NFATC2: variants seen among roughly 807,000 people sequenced by gnomAD.
NFATC2 encodes the protein nuclear factor of activated T cells 2, also known as nuclear factor of activated T-cells, cytoplasmic 2.
A neutral mutation model predicts 87.3 loss-of-function variants in NFATC2; 22 were observed. The observed-to-expected ratio is 0.25, with a 90% confidence interval of 0.18 to 0.36. NFATC2 has a LOEUF of 0.36. NFATC2 is among the 10% of genes least tolerant of loss of function. The probability of loss-of-function intolerance (pLI) is 1.00; values close to 1 mark genes in which losing one functional copy is unlikely to be tolerated. For missense variants in NFATC2, 1,149 were observed against 1,259.1 expected (o/e 0.91, Z 1.32); for synonymous variants, 565 against 542.2 (o/e 1.04, Z -0.58).
intron 3 of NFATC2, among the ~76,000 whole-genome samples, chr20:51,503,432 G>A (rs1485522016): frequency 1.3e-5 from 2 of 152,222 alleles, no homozygotes; most frequent in African/African-American, 2.4e-5. Context: ...CATGCCACTA[G>A]TATGGTGAGA....
chr20:51,511,577 T>G (rs1290692979), intron 3 of NFATC2, among the ~76,000 whole-genome samples: 1 of 152,234 alleles, frequency 6.6e-6, no homozygotes, highest in Admixed American at 6.5e-5. Context: ...GAAAACACTT[T>G]CTTTCCCAAG....
At chr20:51,409,364 A>G (rs1978849471) in intron 9 of NFATC2, among the ~76,000 whole-genome samples, 1 of 152,260 alleles carries the variant, frequency 6.6e-6, no homozygotes, top group East Asian at 1.9e-4. Context: ...CAGAATGGAA[A>G]AATAGGCTTT....
chr20:51,441,820 C>T (rs1478501009), intron 6 of NFATC2, among the ~76,000 whole-genome samples: 3 of 151,852 alleles, frequency 2.0e-5, no homozygotes, highest in South Asian at 2.1e-4. Context: ...AAATTCCCAG[C>T]GCATAGTTAA....
chr20:51,504,691 G>A (rs892859425), intron 3 of NFATC2, among the ~76,000 whole-genome samples: 2 of 152,188 alleles, frequency 1.3e-5, no homozygotes, highest in Non-Finnish European at 2.9e-5. Context: ...GGTTTAGTTC[G>A]TGGTTCCCCC....
At chr20:51,498,102 G>A (rs924606552) in intron 3 of NFATC2, among the ~76,000 whole-genome samples, 1 of 152,148 alleles carries the variant, frequency 6.6e-6, no homozygotes, top group African/African-American at 2.4e-5. Context: ...CCACAGACAC[G>A]AGGGGCCGGG....
At chr20:51,542,757 G>GGA (rs1555819149), upstream of NFATC2, 1 of 329,396 alleles carries the variant, frequency 3.0e-6, no homozygotes, top group Non-Finnish European at 4.0e-6. Context: ...GGCGGGGGGG[G>GGA]GGGGGGCGTG....
Position 51,391,404 on chromosome 20 carries a change from G to C in NFATC2, c.*92C>G. On this transcript the variant is annotated 3_prime_UTR_variant, in exon 11 of 11. Transcript: ENST00000371564. ...TGCTATAATGGCTTCTTTTACGTCT[G>C]ATTTCTGGCAGGAGGTCCTGAAAAC... 7.0e-7 allele frequency: 1 copy of C among 1,427,222 alleles called. No individual in the cohort carries two copies. The highest frequency in any genetic ancestry group is 9.4e-7 in the Non-Finnish European group (1 of 1,063,166). 88.4% of individuals were successfully genotyped at this position (1,427,222 alleles called of 1,614,324 possible).
intron 10 of NFATC2, among the ~76,000 whole-genome samples, chr20:51,398,364 T>C (rs1345849227): frequency 6.6e-6 from 1 of 151,980 alleles, no homozygotes; most frequent in Non-Finnish European, 1.5e-5. Flanking sequence ...TCCAAAGACG[T>C]TGCTGCATTT....
At chr20:51,511,353 G>C (rs2076268671) in intron 3 of NFATC2, among the ~76,000 whole-genome samples, 1 of 152,186 alleles carries the variant, frequency 6.6e-6, no homozygotes, top group East Asian at 1.9e-4. Flanking sequence ...CTGAGGGTGT[G>C]GACAGTCAGT....
chr20:51,518,790 G>A (rs2076395064), intron 2 of NFATC2, among the ~76,000 whole-genome samples: 2 of 152,140 alleles, frequency 1.3e-5, no homozygotes, highest in African/African-American at 4.8e-5. Context: ...CATGAACCAT[G>A]AAGTATATTT....
intron 6 of NFATC2, among the ~76,000 whole-genome samples, chr20:51,444,162 A>G (rs565600385): frequency 2.0e-5 from 3 of 151,978 alleles, no homozygotes; most frequent in African/African-American, 7.2e-5. Flanking sequence ...TTGCATTTCA[A>G]GTAGAGATGG....
rs375208039 is a variant in NFATC2 at position 51,406,385 on chromosome 20, A to G, written c.2723-7655T>C. ...GTACACAAAGAAAAATGGGGGTGAC[A>G]GTGTTGGCATCGTTGTTAGCTTTGG... On this transcript the variant is annotated intron_variant, in intron 9 of 10. Coordinates refer to ENST00000371564, the MANE Select transcript of NFATC2 (RefSeq NM_012340.5). 1.8e-4 allele frequency among the ~76,000 whole-genome samples: 7 copies of G among 37,948 alleles called. No homozygotes were observed. In the East Asian group the frequency reaches 4.5e-3, roughly 24 times the overall value. 24.9% of individuals were successfully genotyped at this position (37,948 alleles called of 152,430 possible).
intron 1 of NFATC2, among the ~76,000 whole-genome samples, chr20:51,548,369 G>A (rs114670398): frequency 0.014 from 2,064 of 152,106 alleles, 45 homozygotes; most frequent in African/African-American, 0.045. Flanking sequence ...TGCCCTTTCC[G>A]CTATGGTGTA....
At position 51,523,549 on chromosome 20, in the gene NFATC2, C is replaced by A; in HGVS notation, c.692G>T (p.Cys231Phe). Residue 231 changes from cysteine to phenylalanine, a missense_variant, in exon 2 of 11, where the codon TGC (cysteine) becomes TTC (phenylalanine). By Grantham distance (205) the Cys-to-Phe change is radical. Transcript: ENST00000371564. The surrounding 1 kb of genome is among the most constrained non-coding windows in gnomAD (Gnocchi z 6.9). ...GGGCACGGGCGAGTGGCGGCCCAGG[C>A]AGCTGTCCTCGGCGAGGCTGGTTCG... ...SPRTSLAEDS[C>F]LGRHSPVPRP... The A allele has an allele frequency of 1.9e-6, 3 of 1,613,722 alleles. No homozygotes were observed. The highest frequency in any genetic ancestry group is 2.5e-6 in the Non-Finnish European group (3 of 1,179,786).
chr20:51,429,358 C>T (rs769034667), intron 9 of NFATC2, among the ~76,000 whole-genome samples: 16 of 152,236 alleles, frequency 1.1e-4, no homozygotes, highest in Non-Finnish European at 1.9e-4. Context: ...TAACTAGTGG[C>T]ACTTGCTGCC....
chr20:51,513,415 G>A (rs1458764476), intron 3 of NFATC2, among the ~76,000 whole-genome samples: 1 of 152,196 alleles, frequency 6.6e-6, no homozygotes, highest in Non-Finnish European at 1.5e-5. Flanking sequence ...GAAATTCAAG[G>A]CAGCAGTGAG....
In NFATC2 at chr20:51,441,772, G is replaced by A. The variant is rs578130749; in HGVS notation, c.1850-6011C>T. On this transcript the variant is annotated intron_variant, in intron 6 of 10. Transcript: ENST00000371564. ...ATTACTGAACTTAAGAAGATGTGGC[G>A]AGAATTAAAATAGACAGTGTATGTG... 2.6e-5 allele frequency among the ~76,000 whole-genome samples: 4 copies of A among 151,730 alleles called. No homozygotes were observed. The South Asian group carries it at 6.3e-4, about 24-fold the overall frequency.
chr20:51,502,818 A>C (rs1205379399), intron 3 of NFATC2, among the ~76,000 whole-genome samples: 2 of 152,240 alleles, frequency 1.3e-5, no homozygotes, highest in Non-Finnish European at 2.9e-5. Context: ...ACAGTTTTAC[A>C]ATAAATGTCA....
chr20:51,550,633 T>C (rs561650413), intron 1 of NFATC2, among the ~76,000 whole-genome samples: 14 of 151,962 alleles, frequency 9.2e-5, no homozygotes, highest in Admixed American at 3.9e-4. Context: ...GAAAATGCAT[T>C]TAATATGCTT....
Sources: allele counts gnomAD v4.1 joint callset (sites outside exome capture counted in the v4.1 genomes callset), GRCh38; gene constraint gnomAD v4.1.1; non-coding constraint Gnocchi (gnomAD v3.1); transcripts MANE v1.5; gene names NCBI Gene and HGNC (gene_info 2026-07-23, HGNC 2026-07-21).